DIAPH3: variants seen among roughly 807,000 people sequenced by gnomAD.
DIAPH3 encodes protein diaphanous homolog 3.
DIAPH3 carries 117 observed loss-of-function variants against 144.3 expected under a neutral mutation model. The observed-to-expected ratio is 0.81, with a 90% CI of 0.70 to 0.95. DIAPH3 has a LOEUF of 0.95. DIAPH3 is among the 40% of genes least tolerant of loss of function. The pLI, the probability that DIAPH3 is intolerant of heterozygous loss-of-function variation, is 0.00. For synonymous variants in DIAPH3, 519 were observed against 488.9 expected (o/e 1.06, Z -0.81); for missense variants, 1,421 against 1,412.7 (o/e 1.01, Z -0.09).
chr13:59,874,165 A>G (rs2044461151), intron 21 of DIAPH3, among the ~76,000 whole-genome samples: 1 of 152,136 alleles, frequency 6.6e-6, no homozygotes, highest in Non-Finnish European at 1.5e-5. Flanking sequence ...ATCACCTAGG[A>G]AGTAGCTTTA....
intron 4 of DIAPH3, among the ~76,000 whole-genome samples, chr13:60,063,474 A>C (rs1594555086): frequency 6.6e-6 from 1 of 152,330 alleles, no homozygotes; most frequent in South Asian, 2.1e-4. Context: ...GATGGCATCT[A>C]GAATGGTGAA....
intron 14 of DIAPH3, among the ~76,000 whole-genome samples, chr13:59,978,152 G>C (rs1306175367): frequency 1.3e-5 from 2 of 151,722 alleles, no homozygotes; most frequent in East Asian, 3.9e-4. Flanking sequence ...ATAAATGTGA[G>C]AAACTTTTCT....
chr13:59,733,874 T>C (rs1016451156), intron 27 of DIAPH3, among the ~76,000 whole-genome samples: 2 of 152,128 alleles, frequency 1.3e-5, no homozygotes, highest in Non-Finnish European at 2.9e-5. Context: ...AACCAATGAG[T>C]TGTTGGGAGG....
At chr13:59,894,804 G>A (rs1164213614) in intron 20 of DIAPH3, among the ~76,000 whole-genome samples, 1 of 151,916 alleles carries the variant, frequency 6.6e-6, no homozygotes, top group Non-Finnish European at 1.5e-5. Flanking sequence ...GAAAATACTA[G>A]CATTCAAGTG....
intron 22 of DIAPH3, among the ~76,000 whole-genome samples, chr13:59,858,692 T>C (rs924299807): frequency 2.0e-5 from 3 of 152,208 alleles, no homozygotes; most frequent in African/African-American, 7.2e-5. Flanking sequence ...CTTTATAGAT[T>C]AATTTTAACT....
chr13:60,003,992 T>C (rs979137853), intron 9 of DIAPH3, among the ~76,000 whole-genome samples: 1 of 152,148 alleles, frequency 6.6e-6, no homozygotes, highest in Non-Finnish European at 1.5e-5. Context: ...ATCATAATCA[T>C]AAACAAATTA....
At chr13:60,022,659 G>C (rs1021606199) in intron 5 of DIAPH3, among the ~76,000 whole-genome samples, 1 of 152,040 alleles carries the variant, frequency 6.6e-6, no homozygotes, top group African/African-American at 2.4e-5. Flanking sequence ...AAGGACACAA[G>C]TCATACTGGA....
chr13:59,698,821 G>A (rs1419723140), intron 27 of DIAPH3, among the ~76,000 whole-genome samples: 1 of 152,100 alleles, frequency 6.6e-6, no homozygotes, highest in Non-Finnish European at 1.5e-5. Flanking sequence ...ATGGTGCAGT[G>A]GTCCCCAACT....
chr13:59,762,737 C>T (rs2037667327), intron 27 of DIAPH3, among the ~76,000 whole-genome samples: 1 of 151,944 alleles, frequency 6.6e-6, no homozygotes, highest in Admixed American at 6.6e-5. Flanking sequence ...CCTGATCTTC[C>T]CTGCTATGGT....
At position 59,763,914 on chromosome 13, in the gene DIAPH3, C is replaced by T. The variant is rs2037742480; in HGVS notation, c.3319+10275G>A. Among the ~76,000 whole-genome samples the T allele has an allele frequency of 3.3e-5, 5 of 152,098 alleles. No individual in the cohort carries two copies. In the South Asian group the frequency reaches 1.0e-3, roughly 32 times the overall value. On this transcript the variant is annotated intron_variant, in intron 27 of 27. Transcript: ENST00000400324. ...TAAGTTGGTTAACTAATGGGTTTCT[C>T]TGTGTAATTCTCTTGCTCCGAGCTA...
rs1478867589 is a variant in DIAPH3, at chr13:59,666,546, T to C, written c.*38A>G. 1 of 1,612,536 alleles carries C rather than the reference T, an allele frequency of 6.2e-7. No individual in the cohort carries two copies. Among genetic ancestry groups the C allele is most frequent in the Non-Finnish European group, 8.5e-7 (1 of 1,179,202 alleles). Reference sequence around the variant, plus strand: ...TGTTATAGTTTAGAGCATGGCTTTATATTTGGCTTAATCATTTTTTTTAAA... The same window carrying C: ...TGTTATAGTTTAGAGCATGGCTTTACATTTGGCTTAATCATTTTTTTTAAA... On this transcript the variant is annotated 3_prime_UTR_variant, in exon 28 of 28. Coordinates refer to ENST00000400324, the MANE Select transcript of DIAPH3 (RefSeq NM_001042517.2).
At chr13:60,151,885 C>A (rs1454474902) in intron 1 of DIAPH3, among the ~76,000 whole-genome samples, 1 of 152,126 alleles carries the variant, frequency 6.6e-6, no homozygotes, top group Non-Finnish European at 1.5e-5. Context: ...TTTTCATGTT[C>A]ATTTCCCAGG....
At chr13:59,825,371 A>AT (rs1329875707) in intron 24 of DIAPH3, among the ~76,000 whole-genome samples, 2 of 152,062 alleles carry the variant, frequency 1.3e-5, no homozygotes, top group Non-Finnish European at 2.9e-5. Context: ...TGAACTCATC[A>AT]TTTTTTATGG....
intron 27 of DIAPH3, chr13:59,773,942 C>T (rs2038253240): frequency 4.5e-6 from 2 of 440,200 alleles, no homozygotes; most frequent in Admixed American, 3.9e-5. Context: ...ATGTTAACTT[C>T]AGATAATTAT....
rs10665848 is a variant in DIAPH3, at chr13:59,810,926, A to ATTAC, written c.3028-4_3028-3insGTAA. The ATTAC allele has an allele frequency of 0.99, 1,591,895 of 1,603,098 alleles. 791,032 individuals carry two copies. Among genetic ancestry groups the ATTAC allele is most frequent in the East Asian group, 1 (44,751 of 44,752 alleles). ...TTGATATTCTCCTTTATTGCTTGCT[A>ATTAC]AAAAAATTTTGAAAAATGATCAATT... On this transcript the variant is annotated splice_region_variant and splice_polypyrimidine_tract_variant and intron_variant, in intron 24 of 27. Transcript: ENST00000400324.
chr13:59,765,945 T>TC (rs1445846867), intron 27 of DIAPH3, among the ~76,000 whole-genome samples: 1 of 152,054 alleles, frequency 6.6e-6, no homozygotes, highest in Non-Finnish European at 1.5e-5. Flanking sequence ...TGCAGTAGGG[T>TC]CCCCCATCCC....
At chr13:60,136,259 T>C (rs149178968) in intron 1 of DIAPH3, among the ~76,000 whole-genome samples, 268 of 152,290 alleles carry the variant, frequency 1.8e-3, no homozygotes, top group African/African-American at 6.0e-3. Flanking sequence ...TAAAATGAAG[T>C]ACCTCTGTTT....
chr13:59,979,184 A>G (rs2050842685), intron 14 of DIAPH3, among the ~76,000 whole-genome samples: 1 of 151,640 alleles, frequency 6.6e-6, no homozygotes, highest in Non-Finnish European at 1.5e-5. Context: ...TCTTTCTTCT[A>G]TTTATATATT....
chr13:60,126,984 A>T (rs969869347), intron 2 of DIAPH3, among the ~76,000 whole-genome samples: 3 of 152,148 alleles, frequency 2.0e-5, no homozygotes, highest in Middle Eastern at 3.4e-3. Flanking sequence ...ATAATAAAAC[A>T]AAAGAAAGTA....
Sources: gnomAD v4.1 joint callset for allele counts (sites outside exome capture counted in the v4.1 genomes callset) on GRCh38, gnomAD v4.1.1 for gene constraint, MANE v1.5 for transcripts, NCBI Gene and HGNC (gene_info 2026-07-23, HGNC 2026-07-21) for gene names.